Variants in AGK observed in about 807,000 individuals in gnomAD.
AGK encodes acylglycerol kinase, also known as acylglycerol kinase, mitochondrial.
Under a neutral mutation model 66.4 loss-of-function variants are expected in AGK, and 52 were observed. The observed-to-expected ratio is 0.78, with a 90% confidence interval of 0.63 to 0.99. The LOEUF (loss-of-function observed/expected upper bound fraction) is 0.99, where lower values mean the gene tolerates loss of function less well. Among genes scored for constraint, AGK ranks in the 50% least tolerant of loss-of-function variants. The probability of loss-of-function intolerance (pLI) is 0.00; values close to 1 mark genes in which losing one functional copy is unlikely to be tolerated. For synonymous variants in AGK, 182 were observed against 181.1 expected, an observed-to-expected ratio of 1.00 and a Z score of -0.04; for missense variants, 451 against 506.6, an observed-to-expected ratio of 0.89 and a Z score of 1.05.
chr7:141,631,262 G>C (rs1797049291), intron 9 of AGK, among the ~76,000 whole-genome samples: 1 of 152,162 alleles, frequency 6.6e-6, no homozygotes. Flanking sequence ...AGATAATGTA[G>C]AGAAGGTTGT....
intron 15 of AGK, chr7:141,652,231 C>T (rs1309660006): frequency 6.5e-6 from 1 of 154,122 alleles, no homozygotes; most frequent in Non-Finnish European, 1.4e-5. Context: ...TGACTGGCGT[C>T]ACAGTTTCGA....
At chr7:141,615,876 A>C (rs1043988362) in intron 8 of AGK, 2 of 255,048 alleles carry the variant, frequency 7.8e-6, no homozygotes, top group South Asian at 8.0e-5. Flanking sequence ...TAGTGAAGAC[A>C]TATTTGTGCT....
At chr7:141,582,503 C>T (rs1454795209) in intron 2 of AGK, among the ~76,000 whole-genome samples, 4 of 151,750 alleles carry the variant, frequency 2.6e-5, no homozygotes, top group Non-Finnish European at 4.4e-5. Flanking sequence ...TGTTGGGAAC[C>T]GATTGGGTAA....
chr7:141,632,317 C>G (rs1056321168), intron 9 of AGK, among the ~76,000 whole-genome samples: 2 of 151,832 alleles, frequency 1.3e-5, no homozygotes, highest in African/African-American at 4.8e-5. Context: ...ATCCCACTCT[C>G]TCTGCTTTCT....
intron 9 of AGK, among the ~76,000 whole-genome samples, chr7:141,631,864 G>C (rs533749794): frequency 1.3e-5 from 2 of 152,210 alleles, no homozygotes; most frequent in South Asian, 4.2e-4. Context: ...GGCCTCATTT[G>C]GATTTCTCAT....
At chr7:141,593,364 A>G (rs1228185528) in intron 3 of AGK, 179 bp downstream of exon 3, 1 of 713,564 alleles carries the variant, frequency 1.4e-6, no homozygotes, top group Admixed American at 2.0e-5. Flanking sequence ...GAAGTTAACC[A>G]TCTGGTGAAG....
intron 2 of AGK, among the ~76,000 whole-genome samples, chr7:141,570,729 TA>T (rs911062002): frequency 5.0e-4 from 75 of 150,484 alleles, no homozygotes; most frequent in African/African-American, 9.7e-4. Flanking sequence ...GGAAGGGACC[TA>T]AAAAAAAATC....
chr7:141,630,836 G>A (rs897197422), intron 9 of AGK, among the ~76,000 whole-genome samples: 1 of 152,196 alleles, frequency 6.6e-6, no homozygotes, highest in Non-Finnish European at 1.5e-5. Flanking sequence ...AGATAATGAG[G>A]CTGTAAAATC....
At chr7:141,637,110 C>A in intron 11 of AGK, 93 bp downstream of exon 11, 1 of 995,706 alleles carries the variant, frequency 1.0e-6, no homozygotes, top group Non-Finnish European at 1.5e-6. Context: ...TTCCTTGCTA[C>A]AGATGAATGT....
chr7:141,626,538 G>A (rs1257744745), intron 9 of AGK, among the ~76,000 whole-genome samples: 2 of 152,140 alleles, frequency 1.3e-5, no homozygotes, highest in Non-Finnish European at 2.9e-5. Context: ...ATGAATAATG[G>A]ATAAACTGAC....
rs1436992553 is a variant in AGK at position 141,637,018 on chromosome 7, G to T, written c.726+1G>T. ...AGCCCACTTTTTCAGCACTCTTAAG[G>T]TAAATGTGATTTACAGTGTAGAAAT... On this transcript the variant is annotated splice_donor_variant, in intron 11 of 15. Transcript: ENST00000649286. LOFTEE classifies it high-confidence loss of function. The T allele has an allele frequency of 6.2e-7, 1 of 1,611,314 alleles. No individual in the cohort carries two copies.
intron 5 of AGK, among the ~76,000 whole-genome samples, chr7:141,605,703 T>A (rs1796442406): frequency 6.6e-6 from 1 of 152,204 alleles, no homozygotes; most frequent in African/African-American, 2.4e-5. Context: ...TTGAGTGTTA[T>A]CATCTTTATT....
At chr7:141,576,111 T>C (rs1381138205) in intron 2 of AGK, among the ~76,000 whole-genome samples, 1 of 152,220 alleles carries the variant, frequency 6.6e-6, no homozygotes, top group Admixed American at 6.5e-5. Context: ...CCTTGTTAAA[T>C]ATACCACTAA....
At chr7:141,553,958 G>T (rs1360610861) in intron 1 of AGK, among the ~76,000 whole-genome samples, 1 of 151,764 alleles carries the variant, frequency 6.6e-6, no homozygotes, top group Non-Finnish European at 1.5e-5. Flanking sequence ...TAGAAAATAA[G>T]TTCATTTTCA....
At chr7:141,602,173 T>G (rs13244441) in intron 5 of AGK, among the ~76,000 whole-genome samples, 140 of 125,356 alleles carry the variant, frequency 1.1e-3, no homozygotes, top group South Asian at 4.1e-3. Context: ...GGAGATTTTC[T>G]TGTGTGTGTG....
chr7:141,640,670 CT>C (rs769061622), intron 11 of AGK, among the ~76,000 whole-genome samples: 2 of 152,030 alleles, frequency 1.3e-5, no homozygotes, highest in Non-Finnish European at 2.9e-5. Context: ...GGCTGAGAGG[CT>C]GGGGTATGGT....
chr7:141,566,414 A>G (rs1795469248), intron 2 of AGK, among the ~76,000 whole-genome samples: 1 of 152,238 alleles, frequency 6.6e-6, no homozygotes, highest in Non-Finnish European at 1.5e-5. Context: ...AACAAACAAG[A>G]GAATGAAAGG....
At chr7:141,581,143 A>T (rs1300221649) in intron 2 of AGK, among the ~76,000 whole-genome samples, 1 of 151,922 alleles carries the variant, frequency 6.6e-6, no homozygotes. Flanking sequence ...TATACGTAAC[A>T]GATGAAGAAA....
chr7:141,591,660 A>T (rs907888291), intron 2 of AGK, among the ~76,000 whole-genome samples: 9 of 148,652 alleles, frequency 6.1e-5, no homozygotes, highest in Non-Finnish European at 1.1e-4. Context: ...TCAATGTTAT[A>T]AAAAAAGTCT....
Sources: allele counts gnomAD v4.1 joint callset (sites outside exome capture counted in the v4.1 genomes callset), GRCh38; gene constraint gnomAD v4.1.1; transcripts MANE v1.5; gene names NCBI Gene and HGNC (gene_info 2026-07-23, HGNC 2026-07-21).